Variants in BTRC observed in about 807,000 individuals in gnomAD.
BTRC encodes beta-transducin repeat containing E3 ubiquitin protein ligase.
BTRC carries 42 observed loss-of-function variants against 85.5 expected under a neutral mutation model. The ratio of observed to expected loss-of-function variants is 0.49; its 90% CI spans 0.38 to 0.64. BTRC has a LOEUF of 0.64. BTRC is among the 30% of genes least tolerant of loss of function. The pLI, the probability that BTRC is intolerant of heterozygous loss-of-function variation, is 0.00. For synonymous variants in BTRC, 255 were observed against 263.3 expected, an observed-to-expected ratio of 0.97 and a Z score of 0.30; for missense variants, 594 against 743.5, an observed-to-expected ratio of 0.80 and a Z score of 2.34.
At chr10:101,487,429 T>G (rs2134248025) in intron 4 of BTRC, among the ~76,000 whole-genome samples, 1 of 152,364 alleles carries the variant, frequency 6.6e-6, no homozygotes, top group East Asian at 1.9e-4. Flanking sequence ...AAATGCAGCC[T>G]TCTTTGACTG....
rs755481178 is a variant in BTRC at position 101,549,713 on chromosome 10, C to CAAAAAAAA, written c.1657-970_1657-963dup. Among the ~76,000 whole-genome samples the CAAAAAAAA allele has an allele frequency of 5.4e-4, 23 of 42,762 alleles. 2 individuals are homozygous for CAAAAAAAA. The highest frequency in any genetic ancestry group is 1.6e-3 in the African/African-American group (12 of 7,736). The allele number at this position is 42,762 out of a possible 152,430, so 28.1% of individuals were successfully genotyped here. On this transcript the variant is annotated intron_variant, in intron 13 of 14. Coordinates refer to ENST00000370187, the MANE Select transcript of BTRC (RefSeq NM_033637.4). ...GGGGCGAAAGAGCGAGACTCTGTCT[C>CAAAAAAAA]AAAAAAAAAAAAAAAAAAAAAAAGA...
rs570110442 is a variant in BTRC, at chr10:101,441,829, C to T, written c.156+11377C>T. Among the ~76,000 whole-genome samples the T allele has an allele frequency of 2.4e-4, 32 of 130,830 alleles. No homozygotes were observed. In the East Asian group the frequency reaches 5.7e-3, roughly 23 times the overall value. 85.8% of individuals were successfully genotyped at this position (130,830 alleles called of 152,430 possible). On this transcript the variant is annotated intron_variant, in intron 2 of 14. Transcript: ENST00000370187. ...CTGGGAGGCGGAGATAGCAGTCAGCCGAGATCACACCCACTGCACTGCAGC... is the reference window on the plus strand; with the variant it reads ...CTGGGAGGCGGAGATAGCAGTCAGCTGAGATCACACCCACTGCACTGCAGC...
intron 1 of BTRC, among the ~76,000 whole-genome samples, chr10:101,372,742 G>A (rs898767552): frequency 6.6e-6 from 1 of 151,682 alleles, no homozygotes; most frequent in African/African-American, 2.4e-5. Flanking sequence ...GGGCATGCCT[G>A]TAATCCCAGG....
Position 101,541,474 on chromosome 10 carries a change from A to T in BTRC, c.1656+3103A>T, listed in dbSNP as rs572463086. ...ACGGGGTTTCATCATGTTAGCCAGGATGGTCTCGATCTCCTGACCTCGTGA... is the reference window on the plus strand; with the variant it reads ...ACGGGGTTTCATCATGTTAGCCAGGTTGGTCTCGATCTCCTGACCTCGTGA... On this transcript the variant is annotated intron_variant, in intron 13 of 14. Transcript: ENST00000370187. Among the ~76,000 whole-genome samples the T allele has an allele frequency of 5.3e-5, 8 of 152,028 alleles. No homozygotes were observed. The East Asian group carries it at 1.6e-3, about 29-fold the overall frequency.
intron 1 of BTRC, among the ~76,000 whole-genome samples, chr10:101,412,678 G>C (rs1321136967): frequency 6.6e-6 from 1 of 152,072 alleles, no homozygotes; most frequent in Non-Finnish European, 1.5e-5. Context: ...CAATACCATG[G>C]TTCCAATTTC....
chr10:101,418,663 C>T (rs906209313), intron 1 of BTRC, among the ~76,000 whole-genome samples: 1 of 151,672 alleles, frequency 6.6e-6, no homozygotes, highest in African/African-American at 2.4e-5. Flanking sequence ...TTTTTTCTCC[C>T]TGGCTGTATT....
chr10:101,510,304 C>T (rs1013035435), intron 4 of BTRC, among the ~76,000 whole-genome samples: 1 of 151,858 alleles, frequency 6.6e-6, no homozygotes, highest in African/African-American at 2.4e-5. Context: ...GTCAGGAGAT[C>T]GAGACCATCC....
intron 1 of BTRC, among the ~76,000 whole-genome samples, chr10:101,395,261 G>A (rs556219462): frequency 1.3e-5 from 2 of 152,256 alleles, no homozygotes; most frequent in South Asian, 2.1e-4. Flanking sequence ...AACCCATTCC[G>A]TTGGTTTAAT....
intron 1 of BTRC, among the ~76,000 whole-genome samples, chr10:101,369,258 T>G: frequency 6.6e-6 from 1 of 152,074 alleles, no homozygotes; most frequent in South Asian, 2.1e-4. Flanking sequence ...TGCCCTCTTG[T>G]CCAGGCTCTC....
At chr10:101,479,932 T>C (rs940285909) in intron 4 of BTRC, among the ~76,000 whole-genome samples, 1 of 152,224 alleles carries the variant, frequency 6.6e-6, no homozygotes, top group African/African-American at 2.4e-5. Flanking sequence ...CAAGTATGTT[T>C]AGTCATGTGT....
chr10:101,376,704 A>G (rs74152870), intron 1 of BTRC, among the ~76,000 whole-genome samples: 34 of 152,286 alleles, frequency 2.2e-4, no homozygotes, highest in African/African-American at 7.0e-4. Flanking sequence ...GCATCTTTAC[A>G]TAGAGGAAAA....
At chr10:101,380,502 C>G (rs1282005192) in intron 1 of BTRC, among the ~76,000 whole-genome samples, 2 of 152,098 alleles carry the variant, frequency 1.3e-5, no homozygotes, top group African/African-American at 4.8e-5. Context: ...CAGAGGTACT[C>G]CTCACTTCCC....
intron 2 of BTRC, among the ~76,000 whole-genome samples, chr10:101,441,654 C>T (rs994812083): frequency 6.6e-6 from 1 of 151,932 alleles, no homozygotes; most frequent in African/African-American, 2.4e-5. Flanking sequence ...CTGAGGCGGG[C>T]GGATTGCCTG....
intron 4 of BTRC, among the ~76,000 whole-genome samples, chr10:101,495,653 A>T (rs10786638): frequency 0.58 from 88,797 of 151,956 alleles, 26,537 homozygotes; most frequent in East Asian, 0.85. Context: ...TTTTTATTAG[A>T]AGTCCCTGTT....
At chr10:101,402,449 T>A (rs572816359) in intron 1 of BTRC, among the ~76,000 whole-genome samples, 1 of 152,312 alleles carries the variant, frequency 6.6e-6, no homozygotes, top group Non-Finnish European at 1.5e-5. Flanking sequence ...ATAATTTATT[T>A]TAGAAGGCAC....
chr10:101,379,731 C>T (rs1389870433), intron 1 of BTRC, among the ~76,000 whole-genome samples: 1 of 151,860 alleles, frequency 6.6e-6, no homozygotes, highest in East Asian at 1.9e-4. Flanking sequence ...TAAGTCTGAA[C>T]GTTTTATTTC....
At chr10:101,385,668 A>C (rs1590228727) in intron 1 of BTRC, among the ~76,000 whole-genome samples, 1 of 49,576 alleles carries the variant, frequency 2.0e-5, no homozygotes, top group African/African-American at 1.1e-4. Flanking sequence ...AAGGCTTCTT[A>C]ACCTTTTTTT....
intron 1 of BTRC, among the ~76,000 whole-genome samples, chr10:101,412,965 T>C (rs1943823006): frequency 6.6e-6 from 1 of 152,178 alleles, no homozygotes. Context: ...AACCCTTTCA[T>C]TGAAATTTGA....
intron 5 of BTRC, among the ~76,000 whole-genome samples, chr10:101,525,210 T>C (rs147156551): frequency 6.6e-6 from 1 of 152,184 alleles, no homozygotes; most frequent in Non-Finnish European, 1.5e-5. Context: ...TGGAGAACTT[T>C]AATTGGGAAG....
Sources: allele counts gnomAD v4.1 joint callset (sites outside exome capture counted in the v4.1 genomes callset), GRCh38; gene constraint gnomAD v4.1.1; transcripts MANE v1.5; gene names NCBI Gene and HGNC (gene_info 2026-07-23, HGNC 2026-07-21).